Variants in RAD51B observed in about 807,000 individuals in gnomAD.
RAD51B encodes RAD51 paralog B.
In RAD51B, 38 loss-of-function variants were observed where a neutral mutation model predicts 42.2. That is an observed-to-expected ratio of 0.90 (90% CI 0.70 to 1.18). RAD51B has a LOEUF of 1.18. Among genes scored for constraint, RAD51B ranks in the 50% most tolerant of loss-of-function variants. The probability of loss-of-function intolerance (pLI) is 0.00; values close to 1 mark genes in which losing one functional copy is unlikely to be tolerated. For synonymous variants in RAD51B, 154 were observed against 145.2 expected (o/e 1.06, Z -0.43); for missense variants, 373 against 400.7 (o/e 0.93, Z 0.59).
At chr14:68,341,348 C>T (rs1176887303) in intron 8 of RAD51B, among the ~76,000 whole-genome samples, 1 of 152,130 alleles carries the variant, frequency 6.6e-6, no homozygotes, top group Non-Finnish European at 1.5e-5. Flanking sequence ...ATTCCTAGAA[C>T]ATCTATTACA....
chr14:68,197,787 TG>T (rs1215677998), intron 7 of RAD51B, among the ~76,000 whole-genome samples: 3 of 152,210 alleles, frequency 2.0e-5, no homozygotes, highest in Non-Finnish European at 4.4e-5. Context: ...CATATTCTTT[TG>T]TGAAGTGTTT....
At chr14:67,976,360 C>G (rs1006082482) in intron 7 of RAD51B, among the ~76,000 whole-genome samples, 9 of 151,970 alleles carry the variant, frequency 5.9e-5, no homozygotes, top group African/African-American at 2.2e-4. Flanking sequence ...TCAAGCGATC[C>G]TCTCATGTTG....
At position 68,503,570 on chromosome 14, in the gene RAD51B, A is replaced by G. The variant is rs187243098; in HGVS notation, c.1036+35320A>G. Among the ~76,000 whole-genome samples the G allele has an allele frequency of 1.3e-4, 20 of 152,294 alleles. No individual in the cohort carries two copies. In the East Asian group the frequency reaches 3.7e-3, roughly 28 times the overall value. ...TCCATTTTCCAGGTGACAAACAGAGATTCAGAGAGGTGACGAGAGGCTCTC... is the reference window on the plus strand; with the variant it reads ...TCCATTTTCCAGGTGACAAACAGAGGTTCAGAGAGGTGACGAGAGGCTCTC... On this transcript the variant is annotated intron_variant, in intron 10 of 10. Transcript: ENST00000487270.
chr14:68,589,573 G>C (rs1429688292), intron 10 of RAD51B, among the ~76,000 whole-genome samples: 1 of 152,214 alleles, frequency 6.6e-6, no homozygotes. Flanking sequence ...GCCCTGGAGA[G>C]GGTATCTCCT....
intron 10 of RAD51B, chr14:68,594,470 TTC>T (rs1566948854): frequency 5.1e-6 from 7 of 1,364,030 alleles, no homozygotes; most frequent in East Asian, 4.0e-5. Flanking sequence ...TTCCTTTTTT[TTC>T]TCTCTCTCTT....
At chr14:68,666,966 C>A (rs1325321147) in intron 11 of RAD51B, among the ~76,000 whole-genome samples, 2 of 152,152 alleles carry the variant, frequency 1.3e-5, no homozygotes, top group Non-Finnish European at 2.9e-5. Flanking sequence ...ACTCAGCAAC[C>A]CTCCAGCTCT....
At chr14:68,312,219 T>C (rs1316544231) in intron 8 of RAD51B, among the ~76,000 whole-genome samples, 1 of 152,222 alleles carries the variant, frequency 6.6e-6, no homozygotes, top group East Asian at 1.9e-4. Flanking sequence ...TGGCTCAGCC[T>C]GCACTGACAC....
intron 7 of RAD51B, among the ~76,000 whole-genome samples, chr14:67,901,326 T>C (rs2043605408): frequency 6.6e-6 from 1 of 152,228 alleles, no homozygotes; most frequent in South Asian, 2.1e-4. Context: ...TTAGGTTGAC[T>C]TATTGCGCCT....
chr14:68,411,037 G>A (rs1462262410), intron 8 of RAD51B, among the ~76,000 whole-genome samples: 2 of 152,142 alleles, frequency 1.3e-5, no homozygotes, highest in African/African-American at 4.8e-5. Context: ...AGCTAAAAAT[G>A]TCTAACAACT....
intron 11 of RAD51B, among the ~76,000 whole-genome samples, chr14:68,672,211 C>A (rs1454585737): frequency 3.9e-5 from 6 of 152,212 alleles, no homozygotes; most frequent in Admixed American, 3.9e-4. Flanking sequence ...ACCCCTGGAA[C>A]TTTCCATGCA....
chr14:68,598,903 A>G (rs1309911086), downstream of RAD51B, among the ~76,000 whole-genome samples: 1 of 152,204 alleles, frequency 6.6e-6, no homozygotes, highest in African/African-American at 2.4e-5. Context: ...GAAAAGGAGA[A>G]CAAAAGACCT....
intron 9 of RAD51B, among the ~76,000 whole-genome samples, chr14:68,464,142 G>A (rs1566898764): frequency 6.6e-6 from 1 of 152,162 alleles, no homozygotes; most frequent in African/African-American, 2.4e-5. Flanking sequence ...TAACCAAATT[G>A]AGATTTGTTT....
intron 7 of RAD51B, among the ~76,000 whole-genome samples, chr14:68,239,444 C>T (rs769831529): frequency 1.4e-4 from 22 of 152,284 alleles, no homozygotes; most frequent in African/African-American, 3.6e-4. Flanking sequence ...CCTCCAGAGA[C>T]GGAAGCAGTC....
chr14:67,951,511 G>T (rs891034320), intron 7 of RAD51B, among the ~76,000 whole-genome samples: 31 of 152,104 alleles, frequency 2.0e-4, no homozygotes, highest in African/African-American at 7.5e-4. Context: ...AGTTTAAAAG[G>T]CTTAAGCAGA....
chr14:68,647,088 C>T (rs1267383190), intron 10 of RAD51B, among the ~76,000 whole-genome samples: 1 of 152,134 alleles, frequency 6.6e-6, no homozygotes, highest in Non-Finnish European at 1.5e-5. Flanking sequence ...AGATTTCTTC[C>T]AGCATTAAAA....
chr14:68,144,467 G>A (rs2078208933), intron 7 of RAD51B, among the ~76,000 whole-genome samples: 1 of 152,226 alleles, frequency 6.6e-6, no homozygotes, highest in Non-Finnish European at 1.5e-5. Context: ...TGCACAGACT[G>A]ACTTTGTGGC....
intron 7 of RAD51B, among the ~76,000 whole-genome samples, chr14:68,282,466 G>C (rs1012468925): frequency 6.6e-6 from 1 of 152,196 alleles, no homozygotes; most frequent in African/African-American, 2.4e-5. Context: ...TGTGTCTCCT[G>C]TGTTGAGTCT....
intron 7 of RAD51B, among the ~76,000 whole-genome samples, chr14:68,120,918 G>T (rs2077639620): frequency 6.6e-6 from 1 of 151,972 alleles, no homozygotes; most frequent in Admixed American, 6.6e-5. Context: ...TTACTCTCTG[G>T]CTGAACCATG....
In RAD51B at chr14:67,824,036, G is replaced by A. The variant is rs569057928; in HGVS notation, c.84+409G>A. Among the ~76,000 whole-genome samples the A allele has an allele frequency of 5.3e-4, 80 of 152,322 alleles. 1 individual carries two copies. Among genetic ancestry groups the A allele is most frequent in the Admixed American group, 1.7e-3 (26 of 15,300 alleles). ...GGATCTTGCATTTTTAAGCAAGGTGGTGAAGCAAATCCTCCTTAGCAGGGT... is the reference window on the plus strand; with the variant it reads ...GGATCTTGCATTTTTAAGCAAGGTGATGAAGCAAATCCTCCTTAGCAGGGT... On this transcript the variant is annotated intron_variant, in intron 2 of 10. Transcript: ENST00000471583.
Sources: allele counts gnomAD v4.1 joint callset (sites outside exome capture counted in the v4.1 genomes callset), GRCh38; gene constraint gnomAD v4.1.1; transcripts MANE v1.5; gene names NCBI Gene and HGNC (gene_info 2026-07-23, HGNC 2026-07-21).